Variants in RSF1 observed in about 807,000 individuals in gnomAD.
RSF1 encodes the protein remodeling and spacing factor 1.
Under a neutral mutation model 145.2 loss-of-function variants are expected in RSF1, and 13 were observed. The observed-to-expected ratio is 0.09, with a 90% CI of 0.06 to 0.14. The LOEUF is 0.14. RSF1 is among the 10% of genes least tolerant of loss of function. The probability of loss-of-function intolerance (pLI) is 1.00; values close to 1 mark genes in which losing one functional copy is unlikely to be tolerated. For missense variants in RSF1, 1,517 were observed against 1,718.2 expected (o/e 0.88, Z 2.07); for synonymous variants, 577 against 592.6 (o/e 0.97, Z 0.38).
rs942936268 is a variant in RSF1, at chr11:77,702,146, G to T, written c.1083C>A (p.His361Gln). The change falls in exon 6 of 16, where the codon CAC becomes CAA. Residue 361 changes from histidine (H) to glutamine (Q), a missense_variant. This residue lies in a region of RSF1 where 207 missense variants were observed against 191.4 expected (regional missense o/e 1.08). Coordinates refer to ENST00000308488, the MANE Select transcript of RSF1 (RefSeq NM_016578.4). ...IEFGGNIKSS[H>Q]EITEKSTEET... ...CTTCAGTAGATTTCTCAGTAATTTC[G>T]TGAGAAGATTTAATATTGCCACCAA... is the stretch of plus-strand genomic sequence containing the variant. 7 of 1,613,446 alleles carry T rather than the reference G, an allele frequency of 4.3e-6. No individual in the cohort carries two copies. Among genetic ancestry groups the T allele is most frequent in the Non-Finnish European group, 5.9e-6 (7 of 1,179,758 alleles).
chr11:77,772,848 G>GAAAAAAAAAAAAA (rs1161762028), intron 1 of RSF1, among the ~76,000 whole-genome samples: 1 of 85,194 alleles, frequency 1.2e-5, no homozygotes, highest in East Asian at 3.8e-4. Flanking sequence ...GCCCAAGATG[G>GAAAAAAAAAAAAA]AAAAAAAAAA....
intron 3 of RSF1, among the ~76,000 whole-genome samples, chr11:77,743,283 A>T (rs1404420265): frequency 6.6e-6 from 1 of 152,150 alleles, no homozygotes; most frequent in Non-Finnish European, 1.5e-5. Context: ...ATGCCATTGG[A>T]ATTTGATAGG....
intron 1 of RSF1, among the ~76,000 whole-genome samples, chr11:77,816,348 A>T (rs1308519688): frequency 6.6e-6 from 1 of 152,238 alleles, no homozygotes; most frequent in Middle Eastern, 3.2e-3. Context: ...CTAAAAATAT[A>T]TTGTTACACA....
chr11:77,801,651 T>C (rs1442802579), intron 1 of RSF1, among the ~76,000 whole-genome samples: 1 of 151,998 alleles, frequency 6.6e-6, no homozygotes, highest in African/African-American at 2.4e-5. Context: ...TCCCGTGGAA[T>C]TTCCTGGGTG....
intron 1 of RSF1, among the ~76,000 whole-genome samples, chr11:77,801,304 T>A: frequency 6.6e-6 from 1 of 152,170 alleles, no homozygotes; most frequent in Non-Finnish European, 1.5e-5. Flanking sequence ...GGCACATGCC[T>A]GTAGTCCCAG....
intron 1 of RSF1, among the ~76,000 whole-genome samples, chr11:77,793,369 C>A (rs1948539913): frequency 1.3e-5 from 2 of 152,104 alleles, no homozygotes; most frequent in Admixed American, 1.3e-4. Context: ...CCTGTAGTCT[C>A]AGCTACTCAG....
At chr11:77,699,502 A>G (rs1960362198) in intron 6 of RSF1, among the ~76,000 whole-genome samples, 1 of 152,230 alleles carries the variant, frequency 6.6e-6, no homozygotes. Flanking sequence ...ATACATTAAA[A>G]AGAAAAGTAG....
intron 1 of RSF1, among the ~76,000 whole-genome samples, chr11:77,806,857 T>C (rs1425794353): frequency 6.6e-6 from 1 of 152,110 alleles, no homozygotes; most frequent in Non-Finnish European, 1.5e-5. Context: ...AAAAAAGTTA[T>C]ACCCTGAAAA....
At chr11:77,745,801 C>T (rs976323804) in intron 3 of RSF1, among the ~76,000 whole-genome samples, 6 of 151,722 alleles carry the variant, frequency 4.0e-5, no homozygotes, top group African/African-American at 1.5e-4. Context: ...CCCGGGCAGA[C>T]AACACATTAA....
At chr11:77,797,094 T>A (rs1590892661) in intron 1 of RSF1, among the ~76,000 whole-genome samples, 1 of 152,278 alleles carries the variant, frequency 6.6e-6, no homozygotes, top group Admixed American at 6.5e-5. Flanking sequence ...CAAAAGTAAT[T>A]TATAGATTCA....
At chr11:77,691,377 T>C in intron 8 of RSF1, 139 bp from the exon 9 acceptor site, 1 of 661,406 alleles carries the variant, frequency 1.5e-6, no homozygotes, top group Non-Finnish European at 2.6e-6. Flanking sequence ...GCTTTTCTTG[T>C]GTTTAATTAA....
At chr11:77,842,656 A>C in the RSF1 span, 1 of 1,609,176 alleles carries the variant, frequency 6.2e-7, no homozygotes, top group East Asian at 2.2e-5. Flanking sequence ...GGTTGATACT[A>C]CATGAGGCTG....
chr11:77,731,829 T>C (rs767204700), intron 4 of RSF1, among the ~76,000 whole-genome samples: 8 of 152,350 alleles, frequency 5.3e-5, no homozygotes, highest in African/African-American at 9.6e-5. Context: ...AGAAGATGTA[T>C]GGAAACACCT....
chr11:77,744,980 T>C (rs1394067806), intron 3 of RSF1, among the ~76,000 whole-genome samples: 1 of 152,214 alleles, frequency 6.6e-6, no homozygotes, highest in African/African-American at 2.4e-5. Flanking sequence ...ATTTTCTTAC[T>C]TGTTATTAGT....
chr11:77,869,312 C>CTTT, the RSF1 span: 453 of 126,956 alleles, frequency 3.6e-3, 7 homozygotes, highest in African/African-American at 8.6e-3. Context: ...ATCTCTTTTT[C>CTTT]TTTTTTTTTT....
At position 77,666,092 on chromosome 11, in the gene RSF1, T is replaced by G. The variant is rs887374707; in HGVS notation, c.*825A>C. The G allele has an allele frequency of 6.6e-6, 1 of 152,204 alleles. No individual in the cohort carries two copies. The highest frequency in any genetic ancestry group is 6.6e-5 in the Admixed American group (1 of 15,266). The allele number at this position is 152,204 out of a possible 1,614,324, so 9.4% of individuals were successfully genotyped here. A position where few individuals can be genotyped will look rare whatever the true frequency, so the allele number is the denominator to read the frequency against. ...ACCCAGGCCTTAAGAAAGACCACATTCATTTCACTAATAACTCTCCATCAG... is the reference window on the plus strand; with the variant it reads ...ACCCAGGCCTTAAGAAAGACCACATGCATTTCACTAATAACTCTCCATCAG... On this transcript the variant is annotated 3_prime_UTR_variant, in exon 16 of 16. Transcript: ENST00000308488.
chr11:77,855,290 C>G, the RSF1 span: 5 of 152,140 alleles, frequency 3.3e-5, no homozygotes, highest in African/African-American at 1.2e-4. Flanking sequence ...CTACAGCTGG[C>G]TTGAATTCCT....
At chr11:77,832,241 A>G in the RSF1 span, among the ~76,000 whole-genome samples, 11 of 152,102 alleles carry the variant, frequency 7.2e-5, no homozygotes, top group South Asian at 4.2e-4. Flanking sequence ...CATCAACATC[A>G]TATATTTCTG....
At chr11:77,680,505 T>C (rs1342619027) in intron 11 of RSF1, among the ~76,000 whole-genome samples, 28 of 151,362 alleles carry the variant, frequency 1.8e-4, no homozygotes, top group Admixed American at 1.3e-3. Flanking sequence ...GTCCCAACTA[T>C]TTGGGAGGCT....
Sources: allele counts gnomAD v4.1 joint callset (sites outside exome capture counted in the v4.1 genomes callset), GRCh38; gene constraint gnomAD v4.1.1; regional missense constraint gnomAD v4.1.1; transcripts MANE v1.5; gene names NCBI Gene and HGNC (gene_info 2026-07-23, HGNC 2026-07-21).